MISP: variants seen among roughly 807,000 people sequenced by gnomAD.
MISP encodes mitotic interactor and substrate of PLK1.
In MISP, 51 loss-of-function variants were observed where a neutral mutation model predicts 49.3. The ratio of observed to expected loss-of-function variants is 1.03; its 90% CI spans 0.83 to 1.31. The LOEUF is 1.31. Ranked by LOEUF, MISP falls within the 50% of genes most tolerant of loss-of-function variation. The pLI, the probability that MISP is intolerant of heterozygous loss-of-function variation, is 0.00. For synonymous variants in MISP, 444 were observed against 392.6 expected (o/e 1.13, Z -1.55); for missense variants, 1,084 against 935.1 (o/e 1.16, Z -2.08).
At chr19:761,733 C>T in intron 4 of MISP, 70 bp downstream of exon 4, 1 of 1,509,212 alleles carries the variant, frequency 6.6e-7, no homozygotes, top group Non-Finnish European at 9.2e-7. Context: ...ACACAGGGGC[C>T]AACGGAAGCC....
In MISP at chr19:756,913, C is replaced by G. The variant is rs748638594; in HGVS notation, c.-34C>G. ...AGTAAGCCCAGAGGTCTCCACCCCA[C>G]GGGAGGAAGGCTGAGGCCAAGACCC... On this transcript the variant is annotated 5_prime_UTR_variant, in exon 2 of 5. Transcript: ENST00000215582. The G allele has an allele frequency of 6.8e-7, 1 of 1,466,876 alleles. No individual in the cohort carries two copies. Among genetic ancestry groups the G allele is most frequent in the South Asian group, 1.4e-5 (1 of 72,148 alleles). The allele number at this position is 1,466,876 out of a possible 1,614,324, so 90.9% of individuals were successfully genotyped here. A position where few individuals can be genotyped will look rare whatever the true frequency, so the allele number is the denominator to read the frequency against.
Position 757,963 on chromosome 19 carries a change from C to T in MISP, c.1017C>T (p.Ala339=), listed in dbSNP as rs1182466493. Residue 339 remains alanine, a synonymous_variant, in exon 2 of 5, where the codon GCC becomes GCT. Transcript: ENST00000215582. The stretch of plus-strand genomic sequence containing the variant: ...TGACCAAGCTGAGCCTGATCACAGC[C>T]CCACGGCGGGAGAGAGGGCGCCCGT... ...PLLTKLSLIT[A]PRRERGRPSL... is the part of the protein sequence containing the mutation. 6.3e-7 allele frequency: 1 copy of T among 1,589,318 alleles called. No individual in the cohort carries two copies. Among genetic ancestry groups the T allele is most frequent in the Non-Finnish European group, 8.5e-7 (1 of 1,172,908 alleles).
chr19:753,417 A>G (rs1253576686), intron 1 of MISP, among the ~76,000 whole-genome samples: 1 of 126,062 alleles, frequency 7.9e-6, no homozygotes, highest in African/African-American at 3.1e-5. Context: ...GGCGGAGTCT[A>G]GCTCTGTCAC....
At chr19:763,280 A>C (rs931720415) in intron 4 of MISP, among the ~76,000 whole-genome samples, 4 of 152,200 alleles carry the variant, frequency 2.6e-5, no homozygotes, top group Non-Finnish European at 5.9e-5. Context: ...CCATCTCAAA[A>C]ACAAACAAAA....
intron 1 of MISP, among the ~76,000 whole-genome samples, chr19:751,703 C>A (rs2033462282): frequency 6.6e-6 from 1 of 152,100 alleles, no homozygotes; most frequent in African/African-American, 2.4e-5. Context: ...TGGCCTGGGT[C>A]CTCGGGTGGG....
In MISP at chr19:758,491, C is replaced by A. The variant is rs368614247; in HGVS notation, c.1545C>A (p.Asp515Glu). 1 of 1,614,072 alleles carries A rather than the reference C, an allele frequency of 6.2e-7. No individual in the cohort carries two copies. The highest frequency in any genetic ancestry group is 1.1e-5 in the South Asian group (1 of 91,078). Residue 515 changes from aspartate to glutamate, a missense_variant, in exon 2 of 5, where the codon GAC becomes GAA. Asp to Glu is a conservative substitution (Grantham distance 45). Transcript: ENST00000215582. ...RLRPLRFRAP[D>E]EPQQAQVPHV... ...GTCCTCTGCGGTTCAGGGCCCCAGA[C>A]GAGCCCCAGCAGGCCCAAGTCCCCC... is the stretch of plus-strand genomic sequence containing the variant.
At chr19:749,835 C>A (rs1239492403), upstream of MISP, among the ~76,000 whole-genome samples, 5 of 129,826 alleles carry the variant, frequency 3.9e-5, no homozygotes, top group Admixed American at 2.2e-4. Flanking sequence ...AAAAAAAAAA[C>A]ACAAAAAAAG....
At chr19:750,050 C>T (rs62131310), upstream of MISP, among the ~76,000 whole-genome samples, 8,617 of 152,128 alleles carry the variant, frequency 0.057, 460 homozygotes, top group African/African-American at 0.14. Flanking sequence ...CCGACTTCCC[C>T]ACAGATGCTG....
chr19:763,612 C>A lies in MISP; in HGVS notation c.*22C>A. On this transcript the variant is annotated 3_prime_UTR_variant, in exon 5 of 5. Transcript: ENST00000215582. The stretch of plus-strand genomic sequence containing the variant: ...CTGAGCCTCGGGATGGGGCGCCCAC[C>A]CCCTGCCCTGCCCTGACCCTCGTGG... 1 of 1,579,798 alleles carries A rather than the reference C, an allele frequency of 6.3e-7. No individual in the cohort carries two copies. The highest frequency in any genetic ancestry group is 8.7e-7 in the Non-Finnish European group (1 of 1,151,606).
intron 1 of MISP, among the ~76,000 whole-genome samples, chr19:755,779 A>G (rs1169510702): frequency 6.6e-6 from 1 of 152,092 alleles, no homozygotes; most frequent in Non-Finnish European, 1.5e-5. Context: ...TAAAAATACA[A>G]AAAATTAGCC....
intron 2 of MISP, among the ~76,000 whole-genome samples, chr19:759,603 T>C (rs1257643275): frequency 6.6e-6 from 1 of 151,832 alleles, no homozygotes; most frequent in African/African-American, 2.4e-5. Flanking sequence ...GGTTTCACCG[T>C]GTTAGCCAGG....
Position 758,740 on chromosome 19 carries a change from C to G in MISP, c.1780+14C>G. On this transcript the variant is annotated intron_variant, in intron 2 of 4. Coordinates refer to ENST00000215582, the MANE Select transcript of MISP (RefSeq NM_173481.4). The stretch of plus-strand genomic sequence containing the variant: ...CCCAGGCATCCGGTGAGAAGGGGCT[C>G]CAGGGAGTGGCTGCTTGGCTCAGGG... The G allele has an allele frequency of 1.2e-6, 2 of 1,601,924 alleles. No homozygotes were observed. Among genetic ancestry groups the G allele is most frequent in the East Asian group, 2.2e-5 (1 of 44,786 alleles).
At chr19:754,507 G>A (rs915238536) in intron 1 of MISP, among the ~76,000 whole-genome samples, 9 of 152,270 alleles carry the variant, frequency 5.9e-5, no homozygotes, top group African/African-American at 2.2e-4. Context: ...GGTGCCCGTA[G>A]TCCCAGCTAC....
At chr19:759,389 C>G (rs1190709294) in intron 2 of MISP, among the ~76,000 whole-genome samples, 1 of 136,974 alleles carries the variant, frequency 7.3e-6, no homozygotes, top group Non-Finnish European at 1.6e-5. Context: ...TTCCTTGTGT[C>G]ACTTTTAATG....
In MISP at chr19:758,728, T is replaced by G; in HGVS notation, c.1780+2T>G. On this transcript the variant is annotated splice_donor_variant, in intron 2 of 4. Transcript: ENST00000215582. LOFTEE classifies it high-confidence loss of function. ...CCAGGAGCTCCTCCCAGGCATCCGG[T>G]GAGAAGGGGCTCCAGGGAGTGGCTG... 1 of 1,609,628 alleles carries G rather than the reference T, an allele frequency of 6.2e-7. No individual in the cohort carries two copies. The highest frequency in any genetic ancestry group is 8.5e-7 in the Non-Finnish European group (1 of 1,177,256).
At chr19:749,570 C>A (rs1399411151), upstream of MISP, among the ~76,000 whole-genome samples, 1 of 152,212 alleles carries the variant, frequency 6.6e-6, no homozygotes, top group Non-Finnish European at 1.5e-5. Flanking sequence ...GTGGCTCGCG[C>A]CTGTAATCCC....
intron 4 of MISP, 36 bp downstream of exon 4, chr19:761,699 T>C (rs779852853): frequency 6.2e-7 from 1 of 1,611,976 alleles, no homozygotes; most frequent in Non-Finnish European, 8.5e-7. Context: ...CTCAAGTCTT[T>C]CCCCCCCACA....
upstream of MISP, among the ~76,000 whole-genome samples, chr19:749,801 G>A (rs1275608069): frequency 6.6e-6 from 1 of 152,108 alleles, no homozygotes; most frequent in Non-Finnish European, 1.5e-5. Flanking sequence ...TCCAGCCTGG[G>A]TGACAAGAGC....
upstream of MISP, among the ~76,000 whole-genome samples, chr19:748,545 G>C (rs78469059): frequency 0.03 from 4,563 of 152,194 alleles, 377 homozygotes; most frequent in East Asian, 0.34. Context: ...GGGCTGCTGT[G>C]GGGGGGCAGG....
Sources: allele counts gnomAD v4.1 joint callset (sites outside exome capture counted in the v4.1 genomes callset), GRCh38; gene constraint gnomAD v4.1.1; transcripts MANE v1.5; gene names NCBI Gene and HGNC (gene_info 2026-07-23, HGNC 2026-07-21).